Variants in HECW2 observed in about 807,000 individuals in gnomAD.
HECW2 encodes the protein E3 ubiquitin-protein ligase HECW2.
A neutral mutation model predicts 175.2 loss-of-function variants in HECW2; 61 were observed. The ratio of observed to expected loss-of-function variants is 0.35; its 90% CI spans 0.28 to 0.43. The LOEUF (loss-of-function observed/expected upper bound fraction) is 0.43, where lower values mean the gene tolerates loss of function less well. Ranked by LOEUF, HECW2 falls within the 20% of genes least tolerant of loss-of-function variation. The probability of loss-of-function intolerance (pLI) is 1.00; values close to 1 mark genes in which losing one functional copy is unlikely to be tolerated. For missense variants in HECW2, 1,524 were observed against 2,000.5 expected, an observed-to-expected ratio of 0.76 and a Z score of 4.54; for synonymous variants, 671 against 731.0, an observed-to-expected ratio of 0.92 and a Z score of 1.32.
Position 196,291,751 on chromosome 2 carries a change from A to G in HECW2, c.3000+814T>C, listed in dbSNP as rs1329602908. On this transcript the variant is annotated intron_variant, in intron 14 of 28. Transcript: ENST00000644978. The stretch of plus-strand genomic sequence containing the variant: ...GGCAAGTCACTGAACCATTCTGCAC[A>G]TGGAGCTGCTTATCTGTACATGGCA... 9 of 152,232 alleles carry G rather than the reference A, an allele frequency of 5.9e-5. No homozygotes were observed. In the East Asian group the frequency reaches 1.7e-3, roughly 29 times the overall value. The allele number at this position is 152,232 out of a possible 1,614,324, so 9.4% of individuals were successfully genotyped here.
chr2:196,392,070 T>C (rs1323627993), intron 2 of HECW2, among the ~76,000 whole-genome samples: 2 of 152,208 alleles, frequency 1.3e-5, no homozygotes, highest in African/African-American at 2.4e-5. Context: ...TATTCGGAGA[T>C]TCAGGAAGAC....
chr2:196,331,366 A>C (rs1575423606), intron 4 of HECW2: 1 of 729,524 alleles, frequency 1.4e-6, no homozygotes, highest in Non-Finnish European at 1.7e-6. Context: ...TCCTGCTTTC[A>C]CCACACACTA....
At chr2:196,357,984 T>C (rs116328349) in intron 2 of HECW2, among the ~76,000 whole-genome samples, 4,344 of 152,276 alleles carry the variant, frequency 0.029, 204 homozygotes, top group African/African-American at 0.098. Flanking sequence ...CCAACAGAAG[T>C]ACATTTTCCT....
intron 21 of HECW2, among the ~76,000 whole-genome samples, chr2:196,229,434 A>C (rs1203489310): frequency 1.3e-5 from 2 of 152,124 alleles, no homozygotes; most frequent in African/African-American, 2.4e-5. Context: ...CCAAGGCGGG[A>C]AGATCCATTG....
intron 1 of HECW2, among the ~76,000 whole-genome samples, chr2:196,557,461 A>G (rs962017165): frequency 1.3e-5 from 2 of 152,152 alleles, no homozygotes. Flanking sequence ...ATATATTCCA[A>G]GTATGAGTAT....
At chr2:196,475,011 G>A (rs34481285) in intron 1 of HECW2, among the ~76,000 whole-genome samples, 12,152 of 152,084 alleles carry the variant, frequency 0.08, 548 homozygotes, top group Middle Eastern at 0.13. Context: ...ACAGTTTAAC[G>A]AATTTCTCTG....
Position 196,194,869 on chromosome 2 carries a change from TA to T in HECW2, c.*6407del, listed in dbSNP as rs891274511. 1 of 152,170 alleles carries T rather than the reference TA, an allele frequency of 6.6e-6. No individual in the cohort carries two copies. The highest frequency in any genetic ancestry group is 6.5e-5 in the Admixed American group (1 of 15,270). The allele number at this position is 152,170 out of a possible 1,614,324, so 9.4% of individuals were successfully genotyped here. ...GGTTGGTGAAGAGAAATTAAAAGCT[TA>T]AAAAAATACACCACCTGTGTTCTAC... On this transcript the variant is annotated 3_prime_UTR_variant, in exon 29 of 29. Transcript: ENST00000644978.
rs1686780445 is a variant in HECW2 at position 196,199,197 on chromosome 2, AGT to A, written c.*2078_*2079del. On this transcript the variant is annotated 3_prime_UTR_variant, in exon 29 of 29. Transcript: ENST00000644978. ...CCATCAAATATGTGACTTAAAAAAA[AGT>A]GTGTTATACTACTTTTCCTTATAAT... is the stretch of plus-strand genomic sequence containing the variant. 6.6e-6 allele frequency: 1 copy of A among 152,512 alleles called. No homozygotes were observed. Among genetic ancestry groups the A allele is most frequent in the Admixed American group, 6.6e-5 (1 of 15,266 alleles). The allele number at this position is 152,512 out of a possible 1,614,324, so 9.4% of individuals were successfully genotyped here. A position where few individuals can be genotyped will look rare whatever the true frequency, so the allele number is the denominator to read the frequency against.
intron 1 of HECW2, among the ~76,000 whole-genome samples, chr2:196,435,805 A>G (rs1695851190): frequency 6.6e-6 from 1 of 152,220 alleles, no homozygotes; most frequent in African/African-American, 2.4e-5. Context: ...CATCTGCCTC[A>G]TAGGATTTTG....
At chr2:196,520,628 G>C (rs1267495170) in intron 1 of HECW2, among the ~76,000 whole-genome samples, 2 of 152,176 alleles carry the variant, frequency 1.3e-5, no homozygotes, top group African/African-American at 2.4e-5. Flanking sequence ...CTAAATATTG[G>C]AGGTTAGAAA....
At chr2:196,574,969 T>C (rs552219039) in intron 1 of HECW2, among the ~76,000 whole-genome samples, 6 of 149,820 alleles carry the variant, frequency 4.0e-5, no homozygotes, top group Admixed American at 2.0e-4. Context: ...AAACTAAATA[T>C]CCACATGCTG....
chr2:196,518,486 T>A (rs542364740), intron 1 of HECW2, among the ~76,000 whole-genome samples: 1 of 151,584 alleles, frequency 6.6e-6, no homozygotes, highest in East Asian at 1.9e-4. Context: ...TGAAACCCCA[T>A]CTCTATTAAA....
chr2:196,336,613 T>C (rs982056976), intron 3 of HECW2, among the ~76,000 whole-genome samples: 3 of 152,176 alleles, frequency 2.0e-5, no homozygotes, highest in Non-Finnish European at 4.4e-5. Context: ...AAGGTTTTAA[T>C]AGTCGACTAG....
At chr2:196,243,707 G>C (rs1688548572) in intron 19 of HECW2, among the ~76,000 whole-genome samples, 1 of 151,802 alleles carries the variant, frequency 6.6e-6, no homozygotes, top group Non-Finnish European at 1.5e-5. Flanking sequence ...AGCCTCCCGA[G>C]TAGCTGGGAC....
intron 1 of HECW2, 32 bp from the exon 2 acceptor site, chr2:196,433,490 T>G: frequency 6.7e-7 from 1 of 1,492,192 alleles, no homozygotes; most frequent in Non-Finnish European, 9.1e-7. Context: ...AAAACATTAG[T>G]GCTACAATAC....
At chr2:196,332,548 A>C (rs1434940112) in intron 4 of HECW2, among the ~76,000 whole-genome samples, 1 of 152,198 alleles carries the variant, frequency 6.6e-6, no homozygotes, top group Non-Finnish European at 1.5e-5. Context: ...ATTATCTCCA[A>C]ACTATCCACA....
intron 1 of HECW2, among the ~76,000 whole-genome samples, chr2:196,581,321 G>C (rs1455440692): frequency 6.6e-6 from 1 of 152,116 alleles, no homozygotes; most frequent in East Asian, 1.9e-4. Flanking sequence ...AATCACTTGA[G>C]GTCAGGAGTT....
chr2:196,329,803 C>T (rs964664721), intron 4 of HECW2, among the ~76,000 whole-genome samples, 153 bp from the exon 5 acceptor site: 5 of 152,142 alleles, frequency 3.3e-5, no homozygotes, highest in South Asian at 4.1e-4. Context: ...GGAACAGAGA[C>T]ACAAATGCTG....
At chr2:196,444,008 C>A (rs754324388) in intron 1 of HECW2, among the ~76,000 whole-genome samples, 1 of 152,188 alleles carries the variant, frequency 6.6e-6, no homozygotes, top group African/African-American at 2.4e-5. Context: ...ACACTCCAGC[C>A]TGGGCAACAG....
Sources: allele counts gnomAD v4.1 joint callset (sites outside exome capture counted in the v4.1 genomes callset), GRCh38; gene constraint gnomAD v4.1.1; transcripts MANE v1.5; gene names NCBI Gene and HGNC (gene_info 2026-07-23, HGNC 2026-07-21).